SCAMP4: variants seen among roughly 807,000 people sequenced by gnomAD.
The protein encoded by SCAMP4 is secretory carrier membrane protein 4.
In SCAMP4, 19 loss-of-function variants were observed where a neutral mutation model predicts 32.1. The ratio of observed to expected loss-of-function variants is 0.59; its 90% CI spans 0.41 to 0.87. SCAMP4 has a LOEUF of 0.87. SCAMP4 is among the 40% of genes least tolerant of loss of function. SCAMP4 has a pLI of 0.00. For synonymous variants in SCAMP4, 152 were observed against 132.7 expected, an observed-to-expected ratio of 1.15 and a Z score of -1.00; for missense variants, 302 against 309.0, an observed-to-expected ratio of 0.98 and a Z score of 0.17.
intron 1 of SCAMP4, among the ~76,000 whole-genome samples, chr19:1,909,266 G>A (rs1357137619): frequency 2.0e-5 from 3 of 152,172 alleles, no homozygotes. Context: ...AGATGTGGGA[G>A]CCAGAGGCGC....
chr19:1,919,132 T>C, intron 5 of SCAMP4, 142 bp downstream of exon 5: 2 of 1,471,560 alleles, frequency 1.4e-6, no homozygotes, highest in Admixed American at 2.5e-5. Context: ...GAGCTCACCC[T>C]GGCAGCGCCC....
At chr19:1,920,896 G>C (rs1443922537) in intron 5 of SCAMP4, 1 of 985,200 alleles carries the variant, frequency 1.0e-6, no homozygotes, top group Non-Finnish European at 1.2e-6. Flanking sequence ...TGCCCCCTCG[G>C]CCCTCGTGCA....
intron 1 of SCAMP4, 47 bp from the exon 2 acceptor site, chr19:1,914,932 G>T: frequency 6.5e-7 from 1 of 1,532,004 alleles, no homozygotes; most frequent in Non-Finnish European, 9.0e-7. Flanking sequence ...TTAGCGCTCT[G>T]CCCAGGGCAG....
chr19:1,922,760 C>G, intron 5 of SCAMP4: 1 of 1,041,060 alleles, frequency 9.6e-7, no homozygotes, highest in Non-Finnish European at 1.2e-6. Flanking sequence ...GCACTGGTCT[C>G]CATTCCCTGC....
intron 3 of SCAMP4, 117 bp downstream of exon 3, chr19:1,917,939 G>A (rs751981035): frequency 3.5e-6 from 5 of 1,433,560 alleles, no homozygotes; most frequent in African/African-American, 2.8e-5. Context: ...AGCCGTCCTG[G>A]GCCTGGTGGT....
rs139851239 is a variant in SCAMP4, at chr19:1,915,405, G to T, written c.7+379G>T. 4.7e-4 allele frequency: 136 copies of T among 288,884 alleles called. 1 individual carries two copies. In the East Asian group the frequency reaches 9.2e-3, roughly 20 times the overall value. The allele number at this position is 288,884 out of a possible 1,614,324, so 17.9% of individuals were successfully genotyped here. A position where few individuals can be genotyped will look rare whatever the true frequency, so the allele number is the denominator to read the frequency against. On this transcript the variant is annotated intron_variant, in intron 2 of 6. Coordinates refer to ENST00000316097, the MANE Select transcript of SCAMP4 (RefSeq NM_079834.4). ...GCCCCTGAGGACAGGGCCTCTTGCTGTCTGACTCCCCATCTGGCCCTCGCA... is the reference window on the plus strand; with the variant it reads ...GCCCCTGAGGACAGGGCCTCTTGCTTTCTGACTCCCCATCTGGCCCTCGCA...
chr19:1,912,625 TGGAGCGGGC>T, intron 1 of SCAMP4: 2 of 1,460,928 alleles, frequency 1.4e-6, no homozygotes, highest in Non-Finnish European at 1.8e-6. Context: ...CAGAGCCACA[TGGAGCGGGC>T]GGTGTGGGCG....
chr19:1,922,517 A>T, intron 5 of SCAMP4: 2 of 984,566 alleles, frequency 2.0e-6, no homozygotes, highest in Non-Finnish European at 2.4e-6. Context: ...CGACAGGCGT[A>T]AGCCTCTGCG....
intron 1 of SCAMP4, among the ~76,000 whole-genome samples, chr19:1,913,670 A>T (rs2013620944): frequency 6.6e-6 from 1 of 152,138 alleles, no homozygotes; most frequent in African/African-American, 2.4e-5. Flanking sequence ...TGTGGACACT[A>T]GGCGTAGTCC....
intron 5 of SCAMP4, chr19:1,922,378 G>A: frequency 4.2e-6 from 3 of 710,446 alleles, no homozygotes; most frequent in African/African-American, 1.9e-5. Flanking sequence ...GGGATTACAG[G>A]CATGCGCCCT....
In SCAMP4 at chr19:1,924,176, T is replaced by C. The variant is rs2014024612; in HGVS notation, c.582T>C (p.Thr194=). ...QKAQTEWNTG[T]WRNPPSREAQ... is the part of the protein sequence containing the mutation. Reference sequence around the variant, plus strand: ...CACAGACGGAGTGGAACACGGGCACTTGGCGGAACCCACCGTCGAGGGAGG... The same window carrying C: ...CACAGACGGAGTGGAACACGGGCACCTGGCGGAACCCACCGTCGAGGGAGG... The change falls in exon 7 of 7, where the codon ACT becomes ACC. Residue 194 remains threonine (T), a synonymous_variant. Coordinates refer to ENST00000316097, the MANE Select transcript of SCAMP4 (RefSeq NM_079834.4). 1 of 1,611,850 alleles carries C rather than the reference T, an allele frequency of 6.2e-7. No individual in the cohort carries two copies. Among genetic ancestry groups the C allele is most frequent in the Admixed American group, 1.7e-5 (1 of 59,746 alleles).
intron 6 of SCAMP4, 55 bp downstream of exon 6, chr19:1,923,242 C>A: frequency 6.9e-7 from 1 of 1,449,028 alleles, no homozygotes; most frequent in Non-Finnish European, 9.4e-7. Flanking sequence ...TGAACCTCGT[C>A]ACCCAACTGT....
At chr19:1,920,568 G>C (rs1272209501) in intron 5 of SCAMP4, 1 of 981,858 alleles carries the variant, frequency 1.0e-6, no homozygotes, top group Non-Finnish European at 1.2e-6. Flanking sequence ...TTGCCCCAGG[G>C]ATCTGAGTTA....
Position 1,924,797 on chromosome 19 carries a change from G to A in SCAMP4, c.*513G>A, listed in dbSNP as rs1454753719. On this transcript the variant is annotated 3_prime_UTR_variant, in exon 7 of 7. Transcript: ENST00000316097. Reference sequence around the variant, plus strand: ...TTCCGGTCCCCTGCAGTGATAGAGGGCTTGGTGCCTAGCTGAGTCCTCGCT... The same window carrying A: ...TTCCGGTCCCCTGCAGTGATAGAGGACTTGGTGCCTAGCTGAGTCCTCGCT... The A allele has an allele frequency of 1.1e-5, 2 of 180,704 alleles. No homozygotes were observed. Among genetic ancestry groups the A allele is most frequent in the Admixed American group, 5.3e-5 (1 of 18,772 alleles). 11.2% of individuals were successfully genotyped at this position (180,704 alleles called of 1,614,324 possible).
At chr19:1,917,611 C>A in intron 2 of SCAMP4, 83 bp from the exon 3 acceptor site, 2 of 1,545,092 alleles carry the variant, frequency 1.3e-6, no homozygotes, top group Non-Finnish European at 1.8e-6. Flanking sequence ...GAGAGGCAAC[C>A]CAGCCTTGGG....
rs142885883 is a variant in SCAMP4 at position 1,914,442 on chromosome 19, C to T, written c.-41-537C>T. On this transcript the variant is annotated intron_variant, in intron 1 of 6. Transcript: ENST00000316097. ...CTGGTCTGTGATGCCCAGTGGGCAGCAGGCATGCCCCTGCTGGGCTGGCCC... is the reference window on the plus strand; with the variant it reads ...CTGGTCTGTGATGCCCAGTGGGCAGTAGGCATGCCCCTGCTGGGCTGGCCC... 693 of 171,414 alleles carry T rather than the reference C, an allele frequency of 4.0e-3. 5 individuals are homozygous for T. Among genetic ancestry groups the T allele is most frequent in the African/African-American group, 0.016 (660 of 42,134 alleles). The allele number at this position is 171,414 out of a possible 1,614,324, so 10.6% of individuals were successfully genotyped here. A position where few individuals can be genotyped will look rare whatever the true frequency, so the allele number is the denominator to read the frequency against.
rs548445820 is a variant in SCAMP4 at position 1,923,268 on chromosome 19, G to A, written c.513+81G>A. ...ACCCAACTGTCCCAGGTGGGTGAAC[G>A]TCGAGGAGCCGGGCCCTCTCCCCAC... On this transcript the variant is annotated intron_variant, in intron 6 of 6. Transcript: ENST00000316097. 2,465 of 1,253,414 alleles carry A rather than the reference G, an allele frequency of 2.0e-3. 6 individuals carry two copies. Among genetic ancestry groups the A allele is most frequent in the Non-Finnish European group, 2.4e-3 (2,218 of 910,942 alleles). The allele number at this position is 1,253,414 out of a possible 1,614,324, so 77.6% of individuals were successfully genotyped here.
Position 1,912,859 on chromosome 19 carries a change from C to G in SCAMP4, c.-41-2120C>G. 3 of 1,598,774 alleles carry G rather than the reference C, an allele frequency of 1.9e-6. No homozygotes were observed. The highest frequency in any genetic ancestry group is 2.5e-6 in the Non-Finnish European group (3 of 1,177,306). Reference sequence around the variant, plus strand: ...CCCGCCTGCTCCTTCGCCCCGGCCGCTGCCCCCCAGGCCGTCCGCGCAGGC... The same window carrying G: ...CCCGCCTGCTCCTTCGCCCCGGCCGGTGCCCCCCAGGCCGTCCGCGCAGGC... On this transcript the variant is annotated intron_variant, in intron 1 of 6. Transcript: ENST00000316097.
At chr19:1,911,221 G>T (rs2013428293) in intron 1 of SCAMP4, among the ~76,000 whole-genome samples, 1 of 151,790 alleles carries the variant, frequency 6.6e-6, no homozygotes, top group Non-Finnish European at 1.5e-5. Context: ...AGCCAGGCTG[G>T]GGTACAGTGG....
Sources: allele counts gnomAD v4.1 joint callset (sites outside exome capture counted in the v4.1 genomes callset), GRCh38; gene constraint gnomAD v4.1.1; transcripts MANE v1.5; gene names NCBI Gene and HGNC (gene_info 2026-07-23, HGNC 2026-07-21).